Variants in KIAA0232 observed in about 807,000 individuals in gnomAD.
KIAA0232 encodes uncharacterized protein KIAA0232.
In KIAA0232, 27 loss-of-function variants were observed where a neutral mutation model predicts 122.0. That is an observed-to-expected ratio of 0.22 (90% confidence interval 0.16 to 0.31). The LOEUF (loss-of-function observed/expected upper bound fraction) is 0.31, where lower values mean the gene tolerates loss of function less well. Among genes scored for constraint, KIAA0232 ranks in the 10% least tolerant of loss-of-function variants. The pLI is 1.00. For synonymous variants in KIAA0232, 613 were observed against 587.6 expected, an observed-to-expected ratio of 1.04 and a Z score of -0.63; for missense variants, 1,551 against 1,634.2, an observed-to-expected ratio of 0.95 and a Z score of 0.88.
At chr4:6,879,563 C>G (rs1212877616) in intron 9 of KIAA0232, among the ~76,000 whole-genome samples, 2 of 152,230 alleles carry the variant, frequency 1.3e-5, no homozygotes, top group African/African-American at 4.8e-5. Flanking sequence ...CAGGGGTTCT[C>G]AACCAGGGGC....
rs1440286824 is a variant in KIAA0232, at chr4:6,882,475, A to G, written c.*1509A>G. 4 of 152,024 alleles carry G rather than the reference A, an allele frequency of 2.6e-5. No individual in the cohort carries two copies. Among genetic ancestry groups the G allele is most frequent in the Admixed American group, 2.6e-4 (4 of 15,264 alleles). 9.4% of individuals were successfully genotyped at this position (152,024 alleles called of 1,614,324 possible). A position where few individuals can be genotyped will look rare whatever the true frequency, so the allele number is the denominator to read the frequency against. ...TGTTGCCTTTTTCTTAATTGATAACACAGAAAAGAAAGTACCATCAAAGAC... is the reference window on the plus strand; with the variant it reads ...TGTTGCCTTTTTCTTAATTGATAACGCAGAAAAGAAAGTACCATCAAAGAC... On this transcript the variant is annotated 3_prime_UTR_variant, in exon 10 of 10. Coordinates refer to ENST00000307659, the MANE Select transcript of KIAA0232 (RefSeq NM_014743.3).
In KIAA0232 at chr4:6,855,600, A is replaced by G. The variant is rs1720530666; in HGVS notation, c.370-1564A>G. ...CATATTTACTCATATATTAATAAAT[A>G]TATGTGTGTATATGTAATTAATTTC... On this transcript the variant is annotated intron_variant, in intron 4 of 9. Transcript: ENST00000307659. The surrounding 1 kb of genome is among the most constrained non-coding windows in gnomAD (Gnocchi z 4.3). Among the ~76,000 whole-genome samples, 1 of 152,124 alleles carries G rather than the reference A, an allele frequency of 6.6e-6. No homozygotes were observed. The highest frequency in any genetic ancestry group is 2.1e-4 in the South Asian group (1 of 4,830).
At position 6,819,090 on chromosome 4, in the gene KIAA0232, A is replaced by G. The variant is rs185911028; in HGVS notation, c.-269-5095A>G. On this transcript the variant is annotated intron_variant, in intron 2 of 9. Transcript: ENST00000307659. ...TAAAAATTGACCCAACATGGATTAT[A>G]GATACTTAAATGTAAGACCTCAAAC... Among the ~76,000 whole-genome samples the G allele has an allele frequency of 1.4e-4, 21 of 152,326 alleles. No individual in the cohort carries two copies. The East Asian group carries it at 3.5e-3, about 25-fold the overall frequency.
intron 7 of KIAA0232, among the ~76,000 whole-genome samples, chr4:6,864,605 G>A (rs1488932754): frequency 6.6e-6 from 1 of 151,938 alleles, no homozygotes; most frequent in Non-Finnish European, 1.5e-5. Context: ...CAGGCGTGGT[G>A]GCAGGCACCT....
At chr4:6,847,159 ATG>A (rs138323816) in intron 4 of KIAA0232, among the ~76,000 whole-genome samples, 16,188 of 152,140 alleles carry the variant, frequency 0.11, 1,145 homozygotes, top group Middle Eastern at 0.23. Flanking sequence ...TTTTCTCATT[ATG>A]TGTGTGGCTA....
chr4:6,798,053 G>A (rs546679701), intron 1 of KIAA0232, among the ~76,000 whole-genome samples: 27 of 147,734 alleles, frequency 1.8e-4, no homozygotes, highest in Non-Finnish European at 3.3e-4. Context: ...GCCAGACTCC[G>A]TCTCAAAAAA....
intron 2 of KIAA0232, among the ~76,000 whole-genome samples, chr4:6,820,269 AAAG>A (rs1718360574): frequency 1.3e-5 from 2 of 152,174 alleles, no homozygotes; most frequent in African/African-American, 4.8e-5. Context: ...TAAAAAGAAA[AAAG>A]AAGACGCCAC....
chr4:6,870,259 A>G (rs1721402135), intron 7 of KIAA0232, among the ~76,000 whole-genome samples: 1 of 152,176 alleles, frequency 6.6e-6, no homozygotes, highest in South Asian at 2.1e-4. Context: ...TGAGAATCCC[A>G]CTGGGAAAGG....
intron 1 of KIAA0232, among the ~76,000 whole-genome samples, chr4:6,789,001 C>A (rs1386264671): frequency 1.3e-5 from 2 of 151,658 alleles, no homozygotes; most frequent in South Asian, 2.1e-4. Context: ...GACAGAATCT[C>A]GCTCTGTCGC....
At chr4:6,848,180 A>G (rs568524020) in intron 4 of KIAA0232, among the ~76,000 whole-genome samples, 85 of 152,328 alleles carry the variant, frequency 5.6e-4, no homozygotes, top group Non-Finnish European at 1.1e-3. Context: ...TCTCACATTG[A>G]GCTAAGTCTA....
At chr4:6,845,389 T>G (rs1719897205) in intron 4 of KIAA0232, among the ~76,000 whole-genome samples, 1 of 152,018 alleles carries the variant, frequency 6.6e-6, no homozygotes, top group Non-Finnish European at 1.5e-5. Context: ...AGGGACAGGG[T>G]CTCCCTGTGT....
chr4:6,833,647 GAAAA>G (rs201974616), intron 3 of KIAA0232, among the ~76,000 whole-genome samples: 43 of 149,930 alleles, frequency 2.9e-4, no homozygotes, highest in African/African-American at 8.8e-4. Context: ...AGGAAAAAAA[GAAAA>G]AAAAAGGAAG....
At position 6,880,439 on chromosome 4, in the gene KIAA0232, C is replaced by T. The variant is rs142152553; in HGVS notation, c.4009-348C>T. On this transcript the variant is annotated intron_variant, in intron 9 of 9. Coordinates refer to ENST00000307659, the MANE Select transcript of KIAA0232 (RefSeq NM_014743.3). ...CATGTTGGTTTGCTCGTTCATCTCC[C>T]CAGCGAGCCTGGCATGCGCCTTCCA... 3.8e-4 allele frequency among the ~76,000 whole-genome samples: 58 copies of T among 152,400 alleles called. 2 individuals carry two copies. The highest frequency in any genetic ancestry group is 1.3e-3 in the African/African-American group (55 of 41,598).
At chr4:6,834,973 C>A (rs1186391902) in intron 3 of KIAA0232, among the ~76,000 whole-genome samples, 1 of 152,162 alleles carries the variant, frequency 6.6e-6, no homozygotes, top group Non-Finnish European at 1.5e-5. Flanking sequence ...ACAACACGAT[C>A]ATATGACAGA....
At chr4:6,784,573 G>T (rs796253719) in intron 1 of KIAA0232, among the ~76,000 whole-genome samples, 4 of 152,212 alleles carry the variant, frequency 2.6e-5, no homozygotes, top group African/African-American at 9.6e-5. Flanking sequence ...ACCTATTTCC[G>T]AGAGTGTGCC....
At chr4:6,869,718 CAA>C (rs1163716410) in intron 7 of KIAA0232, among the ~76,000 whole-genome samples, 1 of 152,156 alleles carries the variant, frequency 6.6e-6, no homozygotes, top group Non-Finnish European at 1.5e-5. Flanking sequence ...TAAGTGAAAA[CAA>C]AAGTTTGAAG....
At chr4:6,839,083 G>A (rs148079456) in intron 3 of KIAA0232, among the ~76,000 whole-genome samples, 1 of 152,250 alleles carries the variant, frequency 6.6e-6, no homozygotes, top group African/African-American at 2.4e-5. Flanking sequence ...CCAAGATCAC[G>A]CCACTACACT....
chr4:6,828,492 C>T (rs949289287), intron 3 of KIAA0232, among the ~76,000 whole-genome samples: 4 of 152,200 alleles, frequency 2.6e-5, no homozygotes, highest in Non-Finnish European at 5.9e-5. Flanking sequence ...TATTTTCACA[C>T]ATTTGCTTTC....
intron 3 of KIAA0232, among the ~76,000 whole-genome samples, chr4:6,840,470 G>A (rs546657196): frequency 1.8e-4 from 27 of 152,216 alleles, no homozygotes; most frequent in African/African-American, 6.3e-4. Context: ...ATTTCCAAGT[G>A]GCGTGTGCTT....
Sources: gnomAD v4.1 joint callset for allele counts (sites outside exome capture counted in the v4.1 genomes callset) on GRCh38, gnomAD v4.1.1 for gene constraint, Gnocchi (gnomAD v3.1) non-coding constraint, MANE v1.5 for transcripts, NCBI Gene and HGNC (gene_info 2026-07-23, HGNC 2026-07-21) for gene names.